Variants in ANK3 observed in about 807,000 individuals in gnomAD.
ANK3 encodes the protein ankyrin-3.
ANK3 carries 57 observed loss-of-function variants against 370.9 expected under a neutral mutation model. That is an observed-to-expected ratio of 0.15 (90% CI 0.12 to 0.19). The LOEUF (loss-of-function observed/expected upper bound fraction) is 0.19. ANK3 is among the 10% of genes least tolerant of loss of function. ANK3 has a pLI of 1.00. For synonymous variants in ANK3, 1,929 were observed against 1,946.3 expected, an observed-to-expected ratio of 0.99 and a Z score of 0.23; for missense variants, 4,439 against 5,302.1, an observed-to-expected ratio of 0.84 and a Z score of 5.06.
chr10:60,469,507 G>GTA lies in ANK3; in HGVS notation c.96+145677_96+145678dup, dbSNP rs1200129803. On this transcript the variant is annotated intron_variant, in intron 2 of 43. Coordinates refer to the ANK3 transcript ENST00000373827. Reference sequence around the variant, plus strand: ...GTGGTATATATATATATATATGGTGGTATATATATATATGGTGGTATATAT... The same window carrying GTA: ...GTGGTATATATATATATATATGGTGGTATATATATATATATGGTGGTATATAT... 9.4e-3 allele frequency among the ~76,000 whole-genome samples: 81 copies of GTA among 8,574 alleles called. 28 individuals are homozygous for GTA. Among genetic ancestry groups the GTA allele is most frequent in the African/African-American group, 0.021 (38 of 1,804 alleles). 5.6% of individuals were successfully genotyped at this position (8,574 alleles called of 152,430 possible). A position where few individuals can be genotyped will look rare whatever the true frequency, so the allele number is the denominator to read the frequency against.
At chr10:60,428,759 C>T (rs1051938126) in intron 2 of ANK3, among the ~76,000 whole-genome samples, 1 of 152,150 alleles carries the variant, frequency 6.6e-6, no homozygotes, top group African/African-American at 2.4e-5. Context: ...TTTCCATGGA[C>T]ATAGAACGAA....
At chr10:60,334,746 G>T (rs904333908) in intron 1 of ANK3, among the ~76,000 whole-genome samples, 2 of 152,186 alleles carry the variant, frequency 1.3e-5, no homozygotes, top group African/African-American at 2.4e-5. Flanking sequence ...GCCCAGTACA[G>T]TCCCCTTCTA....
chr10:60,215,137 C>T lies in ANK3; in HGVS notation c.898-1627G>A, dbSNP rs189150961. Among the ~76,000 whole-genome samples, 16 of 152,152 alleles carry T rather than the reference C, an allele frequency of 1.1e-4. No individual in the cohort carries two copies. In the East Asian group the frequency reaches 3.1e-3, roughly 29 times the overall value. ...CTGATGTTGAACTTTTTTTCATATG[C>T]TTCTTGGCCGCATAAATGTCTTCTT... On this transcript the variant is annotated intron_variant, in intron 8 of 43. Transcript: ENST00000280772.
At chr10:60,705,848 CAA>C (rs1264498207) in intron 1 of ANK3, among the ~76,000 whole-genome samples, 5 of 92,398 alleles carry the variant, frequency 5.4e-5, no homozygotes, top group African/African-American at 1.8e-4. Context: ...TTTTTTGAGA[CAA>C]AGTTTCACTG....
In ANK3 at chr10:60,660,545, C is replaced by T. The variant is rs186897395; in HGVS notation, c.58-45321G>A. Among the ~76,000 whole-genome samples the T allele has an allele frequency of 5.6e-3, 858 of 152,138 alleles. 1 individual carries two copies. The highest frequency in any genetic ancestry group is 9.8e-3 in the Non-Finnish European group (665 of 68,008). On this transcript the variant is annotated intron_variant, in intron 1 of 43. Transcript: ENST00000373827. Reference sequence around the variant, plus strand: ...TTTCCCTTCTACCTGAAAATTTTTTCCTGAATATAGGTCAAAAGTTCTTGT... The same window carrying T: ...TTTCCCTTCTACCTGAAAATTTTTTTCTGAATATAGGTCAAAAGTTCTTGT...
intron 1 of ANK3, among the ~76,000 whole-genome samples, chr10:60,331,763 CAGG>C (rs1220877134): frequency 6.6e-6 from 1 of 152,040 alleles, no homozygotes; most frequent in Admixed American, 6.6e-5. Flanking sequence ...TAATTTTCTC[CAGG>C]AGATTTAAAA....
At chr10:60,397,431 G>A (rs920906820) in intron 2 of ANK3, among the ~76,000 whole-genome samples, 2 of 152,174 alleles carry the variant, frequency 1.3e-5, no homozygotes, top group African/African-American at 4.8e-5. Flanking sequence ...CTGTAGAGTG[G>A]AAATAACACC....
intron 1 of ANK3, among the ~76,000 whole-genome samples, chr10:60,340,757 T>C (rs112780408): frequency 0.045 from 6,878 of 152,150 alleles, 513 homozygotes; most frequent in African/African-American, 0.16. Flanking sequence ...GAAGATACTA[T>C]AGAGGCAGTA....
chr10:60,640,218 A>AACTGGTACCATTCCTTCTGAAACT (rs2078612714), intron 1 of ANK3, among the ~76,000 whole-genome samples: 1 of 151,272 alleles, frequency 6.6e-6, no homozygotes, highest in Admixed American at 6.6e-5. Flanking sequence ...TACAAGGAGG[A>AACTGGTACCATTCCTTCTGAAACT]ACTGGTACCA....
At chr10:60,681,924 G>A (rs763098943) in intron 1 of ANK3, among the ~76,000 whole-genome samples, 28 of 152,140 alleles carry the variant, frequency 1.8e-4, no homozygotes, top group Non-Finnish European at 2.9e-4. Flanking sequence ...CACCAGGGCC[G>A]GAGAATCACC....
intron 25 of ANK3, among the ~76,000 whole-genome samples, chr10:60,115,517 C>T (rs768861809): frequency 1.3e-5 from 2 of 152,088 alleles, no homozygotes; most frequent in Non-Finnish European, 2.9e-5. Flanking sequence ...CAGGCCATCC[C>T]GATTCTGAGG....
chr10:60,646,715 A>T (rs1006545967), intron 1 of ANK3, among the ~76,000 whole-genome samples: 1 of 152,146 alleles, frequency 6.6e-6, no homozygotes, highest in African/African-American at 2.4e-5. Flanking sequence ...GCTCAAGAAG[A>T]AGAAGAGGAG....
chr10:60,589,253 G>A (rs2077877002), intron 2 of ANK3, among the ~76,000 whole-genome samples: 1 of 152,128 alleles, frequency 6.6e-6, no homozygotes, highest in Non-Finnish European at 1.5e-5. Flanking sequence ...TAAAATTGTT[G>A]AAGCTAGACT....
intron 2 of ANK3, among the ~76,000 whole-genome samples, chr10:60,505,389 C>T (rs1238857629): frequency 2.0e-5 from 3 of 151,918 alleles, no homozygotes; most frequent in Non-Finnish European, 4.4e-5. Context: ...ATCTCATTTG[C>T]CTAATATTTT....
intron 4 of ANK3, among the ~76,000 whole-genome samples, chr10:60,277,255 T>A (rs1181792380): frequency 6.6e-6 from 1 of 152,124 alleles, no homozygotes; most frequent in Non-Finnish European, 1.5e-5. Flanking sequence ...CCAAAGATAA[T>A]CATACTAGAA....
chr10:60,175,147 C>T (rs1261782674), intron 18 of ANK3, among the ~76,000 whole-genome samples: 1 of 152,176 alleles, frequency 6.6e-6, no homozygotes, highest in Admixed American at 6.5e-5. Flanking sequence ...CTCCTCATCC[C>T]CCATCCATAC....
chr10:60,498,720 T>G (rs1313600241), intron 2 of ANK3, among the ~76,000 whole-genome samples: 1 of 152,188 alleles, frequency 6.6e-6, no homozygotes, highest in East Asian at 1.9e-4. Flanking sequence ...ACACACTAAC[T>G]CTTTCAATCA....
At chr10:60,428,007 G>A (rs1253036107) in intron 2 of ANK3, among the ~76,000 whole-genome samples, 2 of 152,112 alleles carry the variant, frequency 1.3e-5, no homozygotes, top group East Asian at 1.9e-4. Flanking sequence ...AAGGCAATCT[G>A]TACCATAACC....
intron 1 of ANK3, among the ~76,000 whole-genome samples, chr10:60,623,782 C>T (rs1322409614): frequency 6.6e-6 from 1 of 152,178 alleles, no homozygotes; most frequent in East Asian, 1.9e-4. Context: ...AATCTCTAAG[C>T]CCTTGGGATA....
Sources: gnomAD v4.1 joint callset for allele counts (sites outside exome capture counted in the v4.1 genomes callset) on GRCh38, gnomAD v4.1.1 for gene constraint, MANE v1.5 for transcripts, NCBI Gene and HGNC (gene_info 2026-07-23, HGNC 2026-07-21) for gene names.